CD9: variants seen among roughly 807,000 people sequenced by gnomAD.
The protein encoded by CD9 is CD9 antigen.
Under a neutral mutation model 31.4 loss-of-function variants are expected in CD9, and 10 were observed. That is an observed-to-expected ratio of 0.32 (90% CI 0.20 to 0.54). The LOEUF (loss-of-function observed/expected upper bound fraction) is 0.54. CD9 is among the 20% of genes least tolerant of loss of function. The pLI is 0.94. For missense variants in CD9, 259 were observed against 300.1 expected, an observed-to-expected ratio of 0.86 and a Z score of 1.01; for synonymous variants, 113 against 114.1, an observed-to-expected ratio of 0.99 and a Z score of 0.06.
At chr12:6,204,200 C>T (rs1946105024) in intron 1 of CD9, among the ~76,000 whole-genome samples, 1 of 152,146 alleles carries the variant, frequency 6.6e-6, no homozygotes, top group African/African-American at 2.4e-5. Flanking sequence ...AAGGTCCTTT[C>T]AAGCTCAGTC....
chr12:6,214,066 G>A (rs1187665340), intron 1 of CD9, among the ~76,000 whole-genome samples: 3 of 152,122 alleles, frequency 2.0e-5, no homozygotes, highest in Admixed American at 6.6e-5. Context: ...ACCGTGCATC[G>A]AGAAGAGCAT....
intron 1 of CD9, among the ~76,000 whole-genome samples, chr12:6,224,260 A>G (rs966881944): frequency 1.3e-5 from 2 of 152,198 alleles, no homozygotes; most frequent in African/African-American, 4.8e-5. Flanking sequence ...TCCCTGCTTT[A>G]CAGATGGGAA....
intron 1 of CD9, among the ~76,000 whole-genome samples, chr12:6,201,327 G>T (rs773213776): frequency 5.3e-5 from 8 of 152,242 alleles, no homozygotes; most frequent in Non-Finnish European, 1.2e-4. Flanking sequence ...AGAGGAGGGG[G>T]CAGATACCTA....
chr12:6,210,778 T>C (rs1230707719), intron 1 of CD9, among the ~76,000 whole-genome samples: 5 of 151,936 alleles, frequency 3.3e-5, no homozygotes, highest in Non-Finnish European at 7.4e-5. Flanking sequence ...AGTCAGACCA[T>C]TCTGGGTTCA....
intron 2 of CD9, among the ~76,000 whole-genome samples, chr12:6,226,043 C>T (rs972724809): frequency 2.6e-5 from 4 of 152,196 alleles, no homozygotes; most frequent in African/African-American, 9.6e-5. Context: ...GGACTCTGCC[C>T]AGTCCTTTGG....
intron 1 of CD9, among the ~76,000 whole-genome samples, chr12:6,207,587 GGTCT>G (rs1383015014): frequency 6.6e-6 from 1 of 152,198 alleles, no homozygotes; most frequent in Non-Finnish European, 1.5e-5. Context: ...GAAGAAAGGA[GGTCT>G]GTCTCTCTTC....
chr12:6,230,961 C>T (rs1000353660), intron 2 of CD9, among the ~76,000 whole-genome samples: 3 of 152,234 alleles, frequency 2.0e-5, no homozygotes, highest in Admixed American at 6.5e-5. Context: ...CCGTGAGCCT[C>T]AGCTGCGGGC....
chr12:6,204,073 TG>T (rs1946103263), intron 1 of CD9, among the ~76,000 whole-genome samples: 1 of 152,206 alleles, frequency 6.6e-6, no homozygotes, highest in Admixed American at 6.5e-5. Flanking sequence ...TTCAGAGACC[TG>T]GATGTGAGCC....
intron 2 of CD9, chr12:6,226,429 C>T (rs936362221): frequency 1.3e-5 from 2 of 152,208 alleles, no homozygotes; most frequent in Non-Finnish European, 2.9e-5. Flanking sequence ...GACATGTTGT[C>T]AGGCTCAAAA....
At chr12:6,226,717 A>G (rs937584006) in intron 2 of CD9, among the ~76,000 whole-genome samples, 7 of 152,160 alleles carry the variant, frequency 4.6e-5, no homozygotes, top group Non-Finnish European at 1.0e-4. Context: ...AAAGAAAGTG[A>G]GAGAAAGCAC....
At chr12:6,201,093 G>C (rs1946071084) in intron 1 of CD9, 1 of 152,330 alleles carries the variant, frequency 6.6e-6, no homozygotes, top group Non-Finnish European at 1.5e-5. Flanking sequence ...CGCAGGAGCG[G>C]CAGGGGTGCC....
intron 1 of CD9, among the ~76,000 whole-genome samples, chr12:6,223,194 C>A (rs1401280762): frequency 6.6e-6 from 1 of 152,062 alleles, no homozygotes; most frequent in African/African-American, 2.4e-5. Context: ...TTCAGTCTTC[C>A]ATTCCCAGGG....
Position 6,232,884 on chromosome 12 carries a change from T to C in CD9, c.273+155T>C. 2.8e-6 allele frequency: 2 copies of C among 706,486 alleles called. No homozygotes were observed. The highest frequency in any genetic ancestry group is 5.2e-6 in the Non-Finnish European group (2 of 388,140). 43.8% of individuals were successfully genotyped at this position (706,486 alleles called of 1,614,324 possible). Reference sequence around the variant, plus strand: ...GTCCTCAGCCTGGGCCCCTCCCCGATGTGAGGCGTCGCCCCTCTTCCTTTC... The same window carrying C: ...GTCCTCAGCCTGGGCCCCTCCCCGACGTGAGGCGTCGCCCCTCTTCCTTTC... On this transcript the variant is annotated intron_variant, in intron 3 of 7. Coordinates refer to ENST00000009180, the MANE Select transcript of CD9 (RefSeq NM_001769.4). The surrounding 1 kb of genome is among the most constrained non-coding windows in gnomAD (Gnocchi z 4.8).
At chr12:6,235,739 G>A in intron 6 of CD9, 174 bp downstream of exon 6, 1 of 1,416,348 alleles carries the variant, frequency 7.1e-7, no homozygotes, top group Non-Finnish European at 9.2e-7. Flanking sequence ...TTACTCAAGG[G>A]CAATAAAACA....
Position 6,235,538 on chromosome 12 carries a change from G to A in CD9, c.510G>A (p.Lys170=), listed in dbSNP as rs1469317599. 1.2e-6 allele frequency: 2 copies of A among 1,613,416 alleles called. No individual in the cohort carries two copies. The highest frequency in any genetic ancestry group is 1.3e-5 in the African/African-American group (1 of 74,942). ...TTATCTCAGACATCTGCCCCAAGAAGGACGTACTCGAAACCTTCACCGTGA... is the reference window on the plus strand; with the variant it reads ...TTATCTCAGACATCTGCCCCAAGAAAGACGTACTCGAAACCTTCACCGTGA... ...EQFISDICPK[K]DVLETFTVKS... The change falls in exon 6 of 8, where the codon AAG becomes AAA. Residue 170 remains lysine, a synonymous_variant. Transcript: ENST00000009180.
At chr12:6,225,851 T>C (rs771321446) in intron 2 of CD9, 3 of 296,138 alleles carry the variant, frequency 1.0e-5, no homozygotes, top group South Asian at 5.3e-5. Flanking sequence ...TCTCTGATGC[T>C]CTCTCCTGAT....
chr12:6,221,364 C>G (rs934071061), intron 1 of CD9, among the ~76,000 whole-genome samples: 2 of 152,308 alleles, frequency 1.3e-5, no homozygotes, highest in Non-Finnish European at 2.9e-5. Context: ...GCCCGACCAG[C>G]TGGGCATACT....
chr12:6,209,361 A>G (rs1946167980), intron 1 of CD9, among the ~76,000 whole-genome samples: 1 of 152,140 alleles, frequency 6.6e-6, no homozygotes, highest in South Asian at 2.1e-4. Flanking sequence ...TGCACACCCC[A>G]GATTTATGCC....
chr12:6,223,997 G>A (rs915676327), intron 1 of CD9, among the ~76,000 whole-genome samples: 16 of 152,142 alleles, frequency 1.1e-4, no homozygotes, highest in South Asian at 6.2e-4. Flanking sequence ...TTGTCCAGCC[G>A]CGGGGCATGT....
Sources: gnomAD v4.1 joint callset for allele counts (sites outside exome capture counted in the v4.1 genomes callset) on GRCh38, gnomAD v4.1.1 for gene constraint, Gnocchi (gnomAD v3.1) non-coding constraint, MANE v1.5 for transcripts, NCBI Gene and HGNC (gene_info 2026-07-23, HGNC 2026-07-21) for gene names.